MED13L: variants seen among roughly 807,000 people sequenced by gnomAD.
MED13L encodes the protein mediator of RNA polymerase II transcription subunit 13-like.
In MED13L, 7 loss-of-function variants were observed where a neutral mutation model predicts 220.9. The observed-to-expected ratio is 0.03, with a 90% CI of 0.02 to 0.06. MED13L has a LOEUF of 0.06. Among genes scored for constraint, MED13L ranks in the 10% least tolerant of loss-of-function variants. The pLI is 1.00. For synonymous variants in MED13L, 1,011 were observed against 1,015.2 expected (o/e 1.00, Z 0.08); for missense variants, 1,965 against 2,760.5 (o/e 0.71, Z 6.46).
chr12:116,119,809 T>TAAAAAAA (rs57622950), intron 2 of MED13L, among the ~76,000 whole-genome samples: 5 of 38,788 alleles, frequency 1.3e-4, no homozygotes, highest in Non-Finnish European at 1.8e-4. Flanking sequence ...CCCATATCTT[T>TAAAAAAA]AAAAAAAAAA....
chr12:116,255,236 CAT>C (rs1464381447), intron 1 of MED13L, among the ~76,000 whole-genome samples: 5 of 152,146 alleles, frequency 3.3e-5, no homozygotes, highest in African/African-American at 1.2e-4. Flanking sequence ...GCAATGCACA[CAT>C]AGAGTCCATT....
chr12:116,120,469 T>TCACACACACACACA (rs1317946558), intron 2 of MED13L, among the ~76,000 whole-genome samples: 1 of 129,778 alleles, frequency 7.7e-6, no homozygotes, highest in Non-Finnish European at 1.6e-5. Flanking sequence ...TCTCTCTCTC[T>TCACACACACACACA]CTCTCTCTCA....
intron 2 of MED13L, among the ~76,000 whole-genome samples, chr12:116,112,705 G>A (rs1026474114): frequency 6.6e-6 from 1 of 152,140 alleles, no homozygotes; most frequent in Non-Finnish European, 1.5e-5. Flanking sequence ...AAACATTCCT[G>A]CTAACAAATG....
intron 2 of MED13L, among the ~76,000 whole-genome samples, chr12:116,164,812 A>C (rs551008776): frequency 2.0e-5 from 3 of 152,200 alleles, no homozygotes; most frequent in Non-Finnish European, 2.9e-5. Flanking sequence ...TTTAGCCTGA[A>C]ATGTAGGCTA....
chr12:116,089,719 G>A (rs1555209484), intron 4 of MED13L, among the ~76,000 whole-genome samples: 1 of 152,114 alleles, frequency 6.6e-6, no homozygotes, highest in Non-Finnish European at 1.5e-5. Flanking sequence ...ATGTGGAAAT[G>A]AAAAAATATA....
intron 4 of MED13L, among the ~76,000 whole-genome samples, chr12:116,024,670 C>A (rs928534127): frequency 3.4e-5 from 5 of 146,152 alleles, no homozygotes; most frequent in African/African-American, 1.3e-4. Context: ...ATTACCTGGA[C>A]CTTTGAAGTT....
At chr12:116,201,041 T>A (rs911058831) in intron 2 of MED13L, among the ~76,000 whole-genome samples, 1 of 152,160 alleles carries the variant, frequency 6.6e-6, no homozygotes, top group Non-Finnish European at 1.5e-5. Flanking sequence ...CTTGAAACCA[T>A]GGGCAAAATT....
chr12:116,149,094 G>A (rs560140461), intron 2 of MED13L, among the ~76,000 whole-genome samples: 12 of 152,068 alleles, frequency 7.9e-5, no homozygotes, highest in African/African-American at 2.2e-4. Context: ...CTCATGCACC[G>A]TACCATGTGC....
intron 20 of MED13L, 29 bp from the exon 21 acceptor site, chr12:115,983,569 T>G: frequency 6.2e-7 from 1 of 1,612,208 alleles, no homozygotes. Flanking sequence ...AGAGGTGACT[T>G]TAGTGATATT....
At chr12:115,967,170 C>CAAAAAAAA (rs34377158) in intron 28 of MED13L, among the ~76,000 whole-genome samples, 2 of 45,240 alleles carry the variant, frequency 4.4e-5, no homozygotes, top group Non-Finnish European at 8.0e-5. Flanking sequence ...GACTCTGTCT[C>CAAAAAAAA]AAAAAAAAAA....
At chr12:116,138,020 C>T (rs1016989066) in intron 2 of MED13L, among the ~76,000 whole-genome samples, 1 of 151,978 alleles carries the variant, frequency 6.6e-6, no homozygotes, top group African/African-American at 2.4e-5. Flanking sequence ...CTACATCCGG[C>T]TAATTTTGTA....
chr12:116,050,513 C>T (rs771042333), intron 4 of MED13L, among the ~76,000 whole-genome samples: 1 of 152,058 alleles, frequency 6.6e-6, no homozygotes, highest in Non-Finnish European at 1.5e-5. Context: ...GTAAAATTAA[C>T]TAAAGACTTC....
intron 2 of MED13L, among the ~76,000 whole-genome samples, chr12:116,157,748 T>C (rs559297904): frequency 3.3e-5 from 5 of 152,374 alleles, no homozygotes; most frequent in South Asian, 4.1e-4. Flanking sequence ...GGTGCTTTTG[T>C]GGTCCCCACA....
At chr12:116,266,495 T>G (rs1872841093) in intron 1 of MED13L, among the ~76,000 whole-genome samples, 1 of 152,174 alleles carries the variant, frequency 6.6e-6, no homozygotes. Flanking sequence ...CTCCTTGGCC[T>G]AGAAGAGGAG....
chr12:116,180,921 TTCTC>T (rs773224688), intron 2 of MED13L, among the ~76,000 whole-genome samples: 15 of 145,552 alleles, frequency 1.0e-4, no homozygotes, highest in Middle Eastern at 3.5e-3. Flanking sequence ...AATGAGTTAT[TTCTC>T]TCTCTCTTTT....
chr12:116,093,089 G>T (rs1363478487), intron 4 of MED13L, among the ~76,000 whole-genome samples: 1 of 152,126 alleles, frequency 6.6e-6, no homozygotes, highest in African/African-American at 2.4e-5. Flanking sequence ...GATTAAATTA[G>T]AAAACAAATG....
Position 115,963,412 on chromosome 12 carries a change from A to C in MED13L, c.6495T>G (p.Val2165=), listed in dbSNP as rs1875907627. 1 of 1,609,344 alleles carries C rather than the reference A, an allele frequency of 6.2e-7. No homozygotes were observed. Residue 2165 remains valine, a synonymous_variant, in exon 30 of 31, where the codon GTT becomes GTG. Transcript: ENST00000281928. ...HPLDSKTTSD[V]LRFVLEQYNA... is the part of the protein sequence containing the mutation. Reference sequence around the variant, plus strand: ...ATGCCTAGGTTGGTATCTACCTTAAAACATCCGACGTGGTTTTGGAGTCAA... The same window carrying C: ...ATGCCTAGGTTGGTATCTACCTTAACACATCCGACGTGGTTTTGGAGTCAA...
chr12:116,204,259 AT>A (rs1230534536), intron 2 of MED13L, among the ~76,000 whole-genome samples: 1 of 152,186 alleles, frequency 6.6e-6, no homozygotes, highest in African/African-American at 2.4e-5. Context: ...AGAGAACAAA[AT>A]TTATCAGAAC....
intron 25 of MED13L, among the ~76,000 whole-genome samples, chr12:115,974,417 T>C (rs978223878): frequency 2.0e-5 from 3 of 152,250 alleles, no homozygotes; most frequent in Non-Finnish European, 2.9e-5. Context: ...CATTACTTAA[T>C]AAGGCTTTAA....
Sources: gnomAD v4.1 joint callset for allele counts (sites outside exome capture counted in the v4.1 genomes callset) on GRCh38, gnomAD v4.1.1 for gene constraint, MANE v1.5 for transcripts, NCBI Gene and HGNC (gene_info 2026-07-23, HGNC 2026-07-21) for gene names.